The following SSBP3 variants were observed in gnomAD, a reference collection of about 807,000 sequenced individuals.
SSBP3 encodes single-stranded DNA-binding protein 3.
A neutral mutation model predicts 69.6 loss-of-function variants in SSBP3; 5 were observed. That is an observed-to-expected ratio of 0.07 (90% CI 0.04 to 0.15). The LOEUF is 0.15. Ranked by LOEUF, SSBP3 falls within the 10% of genes least tolerant of loss-of-function variation. SSBP3 has a pLI of 1.00. For synonymous variants in SSBP3, 196 were observed against 193.4 expected (o/e 1.01, Z -0.11); for missense variants, 312 against 534.0 (o/e 0.58, Z 4.10).
Position 54,283,308 on chromosome 1 carries a change from A to ACTTC in SSBP3, c.277-1785_277-1782dup, listed in dbSNP as rs138793024. Among the ~76,000 whole-genome samples, 532 of 150,792 alleles carry ACTTC rather than the reference A, an allele frequency of 3.5e-3. 8 individuals carry two copies. The South Asian group carries it at 0.049, about 14-fold the overall frequency. On this transcript the variant is annotated intron_variant, in intron 4 of 17. Transcript: ENST00000610401. Reference sequence around the variant, plus strand: ...AAAAAAAAAGGAACCAGAATCTCTAACTTCCAACTTTGATGAAAGGAAATG... The same window carrying ACTTC: ...AAAAAAAAAGGAACCAGAATCTCTAACTTCCTTCCAACTTTGATGAAAGGAAATG...
chr1:54,245,067 C>T (rs562182627), intron 9 of SSBP3, among the ~76,000 whole-genome samples: 11 of 152,264 alleles, frequency 7.2e-5, no homozygotes, highest in East Asian at 5.8e-4. Flanking sequence ...AATGAAAGAC[C>T]GAAGAAGGGA....
At chr1:54,230,996 G>C (rs957373026) in intron 14 of SSBP3, among the ~76,000 whole-genome samples, 1 of 152,198 alleles carries the variant, frequency 6.6e-6, no homozygotes, top group African/African-American at 2.4e-5. Context: ...TCTGCCGTGT[G>C]GACATACGTT....
rs543490868 is a variant in SSBP3 at position 54,350,314 on chromosome 1, C to A, written c.276+51547G>T. 3.9e-5 allele frequency among the ~76,000 whole-genome samples: 6 copies of A among 152,304 alleles called. No homozygotes were observed. In the East Asian group the frequency reaches 1.2e-3, roughly 29 times the overall value. Reference sequence around the variant, plus strand: ...CTGTAGAGACAAAACACAAGAGCAGCCCCTGAATGCTTCTTTTTGAAAGTG... The same window carrying A: ...CTGTAGAGACAAAACACAAGAGCAGACCCTGAATGCTTCTTTTTGAAAGTG... On this transcript the variant is annotated intron_variant, in intron 4 of 17. Coordinates refer to ENST00000610401, the Ensembl canonical transcript of SSBP3.
intron 5 of SSBP3, among the ~76,000 whole-genome samples, chr1:54,276,864 T>G (rs1260349022): frequency 6.6e-6 from 1 of 152,078 alleles, no homozygotes; most frequent in Non-Finnish European, 1.5e-5. Context: ...TGAGCACCTG[T>G]CAACCACCTC....
At chr1:54,240,087 T>TGTGTGTGTGTGC (rs1159547661) in intron 13 of SSBP3, among the ~76,000 whole-genome samples, 29 of 42,352 alleles carry the variant, frequency 6.8e-4, no homozygotes, top group Non-Finnish European at 8.8e-4. Context: ...TGTGTGTGTG[T>TGTGTGTGTGTGC]GCGCGCGCGC....
chr1:54,382,853 C>T (rs1040666286), intron 4 of SSBP3, among the ~76,000 whole-genome samples: 3 of 152,070 alleles, frequency 2.0e-5, no homozygotes, highest in East Asian at 3.9e-4. Flanking sequence ...GGCATGGTGG[C>T]GCCTGCCTGC....
At chr1:54,329,322 C>T (rs980399772) in intron 4 of SSBP3, among the ~76,000 whole-genome samples, 9 of 152,198 alleles carry the variant, frequency 5.9e-5, no homozygotes. Context: ...TTAAAATATG[C>T]TGCAAAAAGC....
chr1:54,411,780 T>C (rs892428157), intron 1 of SSBP3, among the ~76,000 whole-genome samples: 1 of 150,842 alleles, frequency 6.6e-6, no homozygotes, highest in South Asian at 2.1e-4. Flanking sequence ...CAGTCCCAGC[T>C]ACTCAGGAGG....
chr1:54,315,673 T>G (rs1406049889), intron 4 of SSBP3, among the ~76,000 whole-genome samples: 1 of 151,666 alleles, frequency 6.6e-6, no homozygotes, highest in Non-Finnish European at 1.5e-5. Context: ...TCTTTAATTT[T>G]TCTAAAGACA....
chr1:54,291,810 C>T (rs769362179), intron 4 of SSBP3, among the ~76,000 whole-genome samples: 1 of 152,236 alleles, frequency 6.6e-6, no homozygotes, highest in Non-Finnish European at 1.5e-5. Context: ...TGCTGCTGTC[C>T]ATTCAGGCAG....
intron 4 of SSBP3, among the ~76,000 whole-genome samples, chr1:54,290,135 AC>A (rs1645577476): frequency 6.6e-6 from 1 of 152,216 alleles, no homozygotes; most frequent in African/African-American, 2.4e-5. Flanking sequence ...CTTCTCTGAT[AC>A]AAATTTCAGA....
At chr1:54,241,500 A>C (rs1644637694) in exon 12 of SSBP3, 2 of 1,614,066 alleles carry the variant, frequency 1.2e-6, no homozygotes, top group Non-Finnish European at 1.7e-6. Flanking sequence ...GATGAGGAGG[A>C]GTATGGAATC....
At position 54,393,315 on chromosome 1, in the gene SSBP3, T is replaced by C. The variant is rs142888060; in HGVS notation, c.276+8546A>G. 2.8e-4 allele frequency among the ~76,000 whole-genome samples: 43 copies of C among 152,178 alleles called. No individual in the cohort carries two copies. In the East Asian group the frequency reaches 7.4e-3, roughly 26 times the overall value. On this transcript the variant is annotated intron_variant, in intron 4 of 17. Coordinates refer to ENST00000610401, the Ensembl canonical transcript of SSBP3. ...ACTTGCCCCCACAATCCCCCAGGGG[T>C]ACCTGAAACCCAGGGATCCAGAGAG...
intron 4 of SSBP3, among the ~76,000 whole-genome samples, chr1:54,342,502 C>T (rs372496405): frequency 1.3e-4 from 20 of 152,292 alleles, no homozygotes; most frequent in African/African-American, 4.8e-4. Context: ...GAGAGCCAGG[C>T]ATTTATGCCT....
At chr1:54,225,578 C>T in exon 18 of SSBP3, 1 of 452,208 alleles carries the variant, frequency 2.2e-6, no homozygotes, top group East Asian at 4.4e-5. Flanking sequence ...ACAATGTTCC[C>T]AATAATCCGC....
chr1:54,335,562 G>A (rs1191081873), intron 4 of SSBP3, among the ~76,000 whole-genome samples: 1 of 152,172 alleles, frequency 6.6e-6, no homozygotes, highest in East Asian at 1.9e-4. Flanking sequence ...CATGTGTCCG[G>A]CCAGACTTAC....
chr1:54,253,683 G>C (rs1467017647), intron 7 of SSBP3, among the ~76,000 whole-genome samples: 2 of 152,186 alleles, frequency 1.3e-5, no homozygotes, highest in Non-Finnish European at 2.9e-5. Context: ...GGTTTTTATA[G>C]AGTCCTGGTG....
intron 2 of SSBP3, 89 bp from the exon 3 acceptor site, chr1:54,404,726 T>C (rs1649570530): frequency 6.9e-7 from 1 of 1,441,538 alleles, no homozygotes; most frequent in Admixed American, 1.8e-5. Context: ...GAAGACCAAC[T>C]AACAATAAAT....
upstream of SSBP3, among the ~76,000 whole-genome samples, chr1:54,407,787 G>C (rs1455711178): frequency 9.3e-6 from 1 of 107,996 alleles, no homozygotes; most frequent in African/African-American, 3.8e-5. Flanking sequence ...TAACTGCGCT[G>C]TTCCAATAAA....
Sources: allele counts gnomAD v4.1 joint callset (sites outside exome capture counted in the v4.1 genomes callset), GRCh38; gene constraint gnomAD v4.1.1; transcripts MANE v1.5; gene names NCBI Gene and HGNC (gene_info 2026-07-23, HGNC 2026-07-21).